The following CPQ variants were observed in gnomAD, a reference collection of about 807,000 sequenced individuals.
The protein encoded by CPQ is Ser-Met dipeptidase.
Under a neutral mutation model 45.7 loss-of-function variants are expected in CPQ, and 37 were observed. The observed-to-expected ratio is 0.81, with a 90% CI of 0.62 to 1.07. The LOEUF is 1.07. Ranked by LOEUF, CPQ falls within the 50% of genes least tolerant of loss-of-function variation. CPQ has a pLI of 0.00. For missense variants in CPQ, 537 were observed against 572.9 expected (o/e 0.94, Z 0.64); for synonymous variants, 186 against 205.8 (o/e 0.90, Z 0.82).
At chr8:96,951,213 C>T (rs1004932566) in intron 4 of CPQ, among the ~76,000 whole-genome samples, 2 of 152,172 alleles carry the variant, frequency 1.3e-5, no homozygotes, top group African/African-American at 2.4e-5. Flanking sequence ...TCAATCGTTA[C>T]AGAGATTATG....
intron 1 of CPQ, among the ~76,000 whole-genome samples, chr8:96,693,245 G>A (rs552095974): frequency 4.4e-4 from 67 of 152,040 alleles, no homozygotes; most frequent in African/African-American, 1.6e-3. Context: ...TAGAAAGGAG[G>A]AAGGGTAGGG....
chr8:96,797,815 G>C (rs770210982), intron 2 of CPQ, among the ~76,000 whole-genome samples: 2 of 152,096 alleles, frequency 1.3e-5, no homozygotes, highest in Admixed American at 6.5e-5. Context: ...ACTTTGGGAG[G>C]CCGAGGCAGG....
chr8:97,142,958 G>A, intron 7 of CPQ, 62 bp from the exon 8 acceptor site: 1 of 1,512,002 alleles, frequency 6.6e-7, no homozygotes, highest in Non-Finnish European at 9.1e-7. Context: ...AGGGGGAGAG[G>A]TGTGTATTCA....
At chr8:96,649,708 T>C (rs928773602) in intron 1 of CPQ, among the ~76,000 whole-genome samples, 1 of 152,214 alleles carries the variant, frequency 6.6e-6, no homozygotes. Flanking sequence ...TGTGCTGTGA[T>C]GTCACACAGT....
At chr8:97,078,808 C>CCT (rs1339564726) in intron 7 of CPQ, among the ~76,000 whole-genome samples, 1 of 69,094 alleles carries the variant, frequency 1.4e-5, no homozygotes, top group Admixed American at 1.5e-4. Context: ...TCTCTCTCTC[C>CCT]CTCTCTCCTT....
At chr8:96,897,694 G>A (rs1812461433) in intron 4 of CPQ, among the ~76,000 whole-genome samples, 1 of 152,152 alleles carries the variant, frequency 6.6e-6, no homozygotes, top group Non-Finnish European at 1.5e-5. Context: ...ATCTCATTAT[G>A]TATATGCAAA....
intron 2 of CPQ, among the ~76,000 whole-genome samples, chr8:96,831,999 T>TAG (rs1364839735): frequency 5.3e-5 from 8 of 152,196 alleles, no homozygotes; most frequent in African/African-American, 1.9e-4. Flanking sequence ...ATATCAAACA[T>TAG]TTCTGTCACT....
intron 3 of CPQ, among the ~76,000 whole-genome samples, chr8:96,844,481 A>G (rs1811657710): frequency 6.6e-6 from 1 of 152,218 alleles, no homozygotes; most frequent in Non-Finnish European, 1.5e-5. Flanking sequence ...TCTCCCATTT[A>G]GATGCTGTGT....
At chr8:96,863,338 G>A (rs1811954103) in intron 3 of CPQ, among the ~76,000 whole-genome samples, 1 of 151,954 alleles carries the variant, frequency 6.6e-6, no homozygotes, top group Non-Finnish European at 1.5e-5. Context: ...CTTGGGGTGG[G>A]AAGCAGGACT....
intron 1 of CPQ, among the ~76,000 whole-genome samples, chr8:96,683,622 G>A (rs1809181516): frequency 6.6e-6 from 1 of 151,898 alleles, no homozygotes; most frequent in Non-Finnish European, 1.5e-5. Flanking sequence ...TTTCTATGTT[G>A]TTATCTATCT....
intron 3 of CPQ, among the ~76,000 whole-genome samples, chr8:96,875,063 G>GTAT (rs1812127911): frequency 6.6e-6 from 1 of 151,734 alleles, no homozygotes; most frequent in African/African-American, 2.4e-5. Context: ...GTTTTGATTT[G>GTAT]CATTTCCTTT....
At chr8:96,784,264 T>C (rs1427924544) in intron 1 of CPQ, among the ~76,000 whole-genome samples, 1 of 152,206 alleles carries the variant, frequency 6.6e-6, no homozygotes, top group Non-Finnish European at 1.5e-5. Flanking sequence ...CTCTGCTTTT[T>C]GCAGTAGCTT....
intron 5 of CPQ, among the ~76,000 whole-genome samples, chr8:97,010,665 C>T (rs1014735530): frequency 2.6e-5 from 4 of 152,292 alleles, no homozygotes; most frequent in African/African-American, 9.6e-5. Context: ...CACAAATTCA[C>T]TCTTTGATCA....
At chr8:97,001,033 C>A (rs566369258) in intron 5 of CPQ, among the ~76,000 whole-genome samples, 1 of 151,816 alleles carries the variant, frequency 6.6e-6, no homozygotes, top group Non-Finnish European at 1.5e-5. Flanking sequence ...TGATTTGGTT[C>A]TCTGCTTGCT....
At chr8:97,104,444 G>A (rs190865211) in intron 7 of CPQ, among the ~76,000 whole-genome samples, 17 of 152,268 alleles carry the variant, frequency 1.1e-4, no homozygotes, top group Admixed American at 5.2e-4. Flanking sequence ...GTAAATCATA[G>A]TAGCCTCTGA....
intron 7 of CPQ, among the ~76,000 whole-genome samples, chr8:97,085,720 G>C (rs1480032013): frequency 6.6e-6 from 1 of 152,068 alleles, no homozygotes; most frequent in Non-Finnish European, 1.5e-5. Context: ...TTAATACCAT[G>C]AATAGTTAAA....
intron 1 of CPQ, among the ~76,000 whole-genome samples, chr8:96,723,982 T>C (rs1489493735): frequency 1.3e-5 from 2 of 152,090 alleles, no homozygotes; most frequent in Non-Finnish European, 2.9e-5. Context: ...GAACCTACCC[T>C]AAACAAAATC....
At chr8:96,860,097 C>CTA (rs1811906549) in intron 3 of CPQ, among the ~76,000 whole-genome samples, 1 of 152,070 alleles carries the variant, frequency 6.6e-6, no homozygotes, top group Non-Finnish European at 1.5e-5. Flanking sequence ...TCTATGAACT[C>CTA]TTTTAGAGAC....
intron 1 of CPQ, among the ~76,000 whole-genome samples, chr8:96,726,194 C>T (rs569900150): frequency 7.6e-4 from 115 of 152,108 alleles, no homozygotes; most frequent in African/African-American, 2.7e-3. Context: ...ATGTAACAAA[C>T]CCACACATAT....
Sources: allele counts gnomAD v4.1 joint callset (sites outside exome capture counted in the v4.1 genomes callset), GRCh38; gene constraint gnomAD v4.1.1; transcripts MANE v1.5; gene names NCBI Gene and HGNC (gene_info 2026-07-23, HGNC 2026-07-21).